The following PPL variants were observed in gnomAD, a reference collection of about 807,000 sequenced individuals.
PPL encodes the protein periplakin, also known as 190 kDa paraneoplastic pemphigus antigen.
In PPL, 198 loss-of-function variants were observed where a neutral mutation model predicts 194.4. That is an observed-to-expected ratio of 1.02 (90% CI 0.91 to 1.15). The LOEUF (loss-of-function observed/expected upper bound fraction) is 1.15. PPL is among the 50% of genes most tolerant of loss of function. PPL has a pLI of 0.00. For missense variants in PPL, 2,885 were observed against 2,294.8 expected (o/e 1.26, Z -5.25); for synonymous variants, 1,220 against 972.4 (o/e 1.25, Z -4.74).
At position 4,901,056 on chromosome 16, in the gene PPL, G is replaced by A; in HGVS notation, c.472C>T (p.Leu158=). The A allele has an allele frequency of 6.2e-7, 1 of 1,614,204 alleles. No homozygotes were observed. Among genetic ancestry groups the A allele is most frequent in the Non-Finnish European group, 8.5e-7 (1 of 1,180,048 alleles). Residue 158 remains leucine (L), a synonymous_variant, in exon 5 of 22, where the codon CTG becomes TTG. Coordinates refer to ENST00000345988, the MANE Select transcript of PPL (RefSeq NM_002705.5). ...KLNNQSFGTD[L]PLVDHQVEEH... is the part of the protein sequence containing the mutation. ...TCCACTTGGTGGTCCACCAGCGGCA[G>A]GTCAGTCCCAAAGCTCTGGTTGTTC...
Position 4,907,308 on chromosome 16 carries a change from T to TCACA in PPL, c.163-3272_163-3269dup, listed in dbSNP as rs56210938. Among the ~76,000 whole-genome samples the TCACA allele has an allele frequency of 5.0e-3, 731 of 145,726 alleles. 6 individuals are homozygous for TCACA. The highest frequency in any genetic ancestry group is 0.028 in the Middle Eastern group (8 of 290). ...ATTATAGGGACTGATATATCTAATC[T>TCACA]CACACACACACACACACACACACAC... On this transcript the variant is annotated intron_variant, in intron 2 of 21. Coordinates refer to ENST00000345988, the MANE Select transcript of PPL (RefSeq NM_002705.5).
rs2142335558 is a variant in PPL, at chr16:4,889,263, T to TGG, written c.2314-203_2314-202insCC. Among the ~76,000 whole-genome samples, 3 of 129,416 alleles carry TGG rather than the reference T, an allele frequency of 2.3e-5. 1 individual carries two copies. In the South Asian group the frequency reaches 8.3e-4, roughly 36 times the overall value. 84.9% of individuals were successfully genotyped at this position (129,416 alleles called of 152,430 possible). ...GTTGTTTTTTTTTTTTTTTTTTTTT[T>TGG]TTTTTTTTTTTGAGACAGTCTCACT... On this transcript the variant is annotated intron_variant, in intron 18 of 21. Coordinates refer to ENST00000345988, the MANE Select transcript of PPL (RefSeq NM_002705.5).
Position 4,900,829 on chromosome 16 carries a change from C to G in PPL, c.606+1G>C, listed in dbSNP as rs765701885. 3 of 1,614,046 alleles carry G rather than the reference C, an allele frequency of 1.9e-6. No individual in the cohort carries two copies. In the Admixed American group the frequency reaches 5.0e-5, roughly 27 times the overall value. Reference sequence around the variant, plus strand: ...GGCCTTTCCCCCAGGGAGCTCCTCACCAGCAGTTTCTGGTACTTGGCCCGG... The same window carrying G: ...GGCCTTTCCCCCAGGGAGCTCCTCAGCAGCAGTTTCTGGTACTTGGCCCGG... On this transcript the variant is annotated splice_donor_variant, in intron 6 of 21. Transcript: ENST00000345988. LOFTEE classifies it high-confidence loss of function.
Position 4,890,905 on chromosome 16 carries a change from A to C in PPL, c.1985T>G (p.Leu662Ter). Residue 662 changes from leucine (L) to a stop codon, truncating the protein, a stop_gained, in exon 17 of 22, where the codon TTA becomes TGA. Transcript: ENST00000345988. LOFTEE classifies it high-confidence loss of function. Reference sequence around the variant, plus strand: ...ACCCAGGAGGGACTTCTGGGCCTGTAACTCACAGGCCATGGCCTGGCGGGG... The same window carrying C: ...ACCCAGGAGGGACTTCTGGGCCTGTCACTCACAGGCCATGGCCTGGCGGGG... Reference protein sequence around the residue: ...GQELAAMACELQAQKSLLGEV... With the variant: ...GQELAAMACE 2.0e-6 allele frequency: 3 copies of C among 1,530,718 alleles called. No homozygotes were observed. The highest frequency in any genetic ancestry group is 2.6e-6 in the Non-Finnish European group (3 of 1,132,218). 94.8% of individuals were successfully genotyped at this position (1,530,718 alleles called of 1,614,324 possible).
Position 4,885,745 on chromosome 16 carries a change from C to T in PPL, c.2910G>A (p.Glu970=). 1 of 1,612,962 alleles carries T rather than the reference C, an allele frequency of 6.2e-7. No homozygotes were observed. The highest frequency in any genetic ancestry group is 8.5e-7 in the Non-Finnish European group (1 of 1,179,956). The change falls in exon 22 of 22, where the codon GAG becomes GAA. Residue 970 remains glutamate, a synonymous_variant. Transcript: ENST00000345988. The surrounding 1 kb of genome is among the most constrained non-coding windows in gnomAD (Gnocchi z 6.3). ...EQHKNQLLQE[E]LEALQLQLRA... is the part of the protein sequence containing the mutation. ...GCAGCTGCAGCTGCAGTGCCTCCAGCTCCTCCTGCAGCAGCTGGTTCTTGT... is the reference window on the plus strand; with the variant it reads ...GCAGCTGCAGCTGCAGTGCCTCCAGTTCCTCCTGCAGCAGCTGGTTCTTGT...
Position 4,883,804 on chromosome 16 carries a change from C to T in PPL, c.4851G>A (p.Arg1617=), listed in dbSNP as rs775193859. ...AGAGCCTCTTGAGGTCATCCAGTTCCCTCTCCAGGGACCACAGTCTGGAGT... is the reference window on the plus strand; with the variant it reads ...AGAGCCTCTTGAGGTCATCCAGTTCTCTCTCCAGGGACCACAGTCTGGAGT... The part of the protein sequence containing the change: ...NHDSRLWSLE[R]ELDDLKRLSK... The change falls in exon 22 of 22, where the codon AGG becomes AGA. Residue 1617 remains arginine (R), a synonymous_variant. Coordinates refer to ENST00000345988, the MANE Select transcript of PPL (RefSeq NM_002705.5). This position sits in a 1 kb window ranked among gnomAD's most constrained non-coding sequence, Gnocchi z 4.8. 24 of 1,614,044 alleles carry T rather than the reference C, an allele frequency of 1.5e-5. No homozygotes were observed. Among genetic ancestry groups the T allele is most frequent in the South Asian group, 6.6e-5 (6 of 91,090 alleles).
chr16:4,909,070 C>T (rs2088764575), intron 2 of PPL, among the ~76,000 whole-genome samples: 1 of 152,102 alleles, frequency 6.6e-6, no homozygotes, highest in African/African-American at 2.4e-5. Context: ...CAGGCAGAGG[C>T]CAGGGAGGCA....
In PPL at chr16:4,902,102, C is replaced by A. The variant is rs1301958361; in HGVS notation, c.438+304G>T. Among the ~76,000 whole-genome samples, 1 of 152,192 alleles carries A rather than the reference C, an allele frequency of 6.6e-6. No individual in the cohort carries two copies. Among genetic ancestry groups the A allele is most frequent in the Non-Finnish European group, 1.5e-5 (1 of 68,036 alleles). Reference sequence around the variant, plus strand: ...GCCTGGCCGCTTCCGCCCCAGCCTGCCCACAAAATGTCACCAAGACCCCAA... The same window carrying A: ...GCCTGGCCGCTTCCGCCCCAGCCTGACCACAAAATGTCACCAAGACCCCAA... On this transcript the variant is annotated intron_variant, in intron 4 of 21. Transcript: ENST00000345988. The surrounding 1 kb of genome is among the most constrained non-coding windows in gnomAD (Gnocchi z 4.0).
rs145937951 is a variant in PPL, at chr16:4,893,807, T to C, written c.1395-169A>G. The C allele has an allele frequency of 1.8e-3, 1,090 of 595,876 alleles. 11 individuals carry two copies. Among genetic ancestry groups the C allele is most frequent in the African/African-American group, 0.017 (899 of 53,942 alleles). The allele number at this position is 595,876 out of a possible 1,614,324, so 36.9% of individuals were successfully genotyped here. A position where few individuals can be genotyped will look rare whatever the true frequency, so the allele number is the denominator to read the frequency against. ...CACTGGCCTTTCTGTGCTCCTGGGC[T>C]CAGAGCTCTTCTCCCTCCTTCCCTC... On this transcript the variant is annotated intron_variant, in intron 12 of 21. Transcript: ENST00000345988.
chr16:4,883,302 G>C lies in PPL; in HGVS notation c.*82C>G. On this transcript the variant is annotated 3_prime_UTR_variant, in exon 22 of 22. Transcript: ENST00000345988. This position sits in a 1 kb window ranked among gnomAD's most constrained non-coding sequence, Gnocchi z 4.8. ...AAATGCTTGGCCTGCACCAGGGCAA[G>C]GGAGAGGACGACACCAAGGAGGTCA... 3 of 1,584,024 alleles carry C rather than the reference G, an allele frequency of 1.9e-6. No individual in the cohort carries two copies. The South Asian group carries it at 3.3e-5, about 18-fold the overall frequency.
chr16:4,884,164 C>T lies in PPL; in HGVS notation c.4491G>A (p.Glu1497=), dbSNP rs2142321300. The T allele has an allele frequency of 2.5e-6, 4 of 1,614,002 alleles. No individual in the cohort carries two copies. Among genetic ancestry groups the T allele is most frequent in the Non-Finnish European group, 2.5e-6 (3 of 1,180,028 alleles). The part of the protein sequence containing the change: ...LAALEKAEVK[E]KVVLSESVQV... ...GGACACTCTCGGAGAGCACCACCTT[C>T]TCCTTGACCTCCGCCTTCTCCAGTG... Residue 1497 remains glutamate (E), a synonymous_variant, in exon 22 of 22, where the codon GAG becomes GAA. Coordinates refer to ENST00000345988, the MANE Select transcript of PPL (RefSeq NM_002705.5). The surrounding 1 kb of genome is among the most constrained non-coding windows in gnomAD (Gnocchi z 5.7).
chr16:4,928,128 G>A (rs2089182822), intron 1 of PPL, among the ~76,000 whole-genome samples: 1 of 152,220 alleles, frequency 6.6e-6, no homozygotes, highest in African/African-American at 2.4e-5. Context: ...AGGACCACTG[G>A]AGAAAGAGCA....
At position 4,882,582 on chromosome 16, in the gene PPL, T is replaced by C. The variant is rs566459469; in HGVS notation, c.*802A>G. 22 of 152,372 alleles carry C rather than the reference T, an allele frequency of 1.4e-4. No individual in the cohort carries two copies. The highest frequency in any genetic ancestry group is 3.4e-3 in the Middle Eastern group (1 of 294). The allele number at this position is 152,372 out of a possible 1,614,324, so 9.4% of individuals were successfully genotyped here. The stretch of plus-strand genomic sequence containing the variant: ...AATTTCCCTATTAGTTCCCATTTTC[T>C]TATGTTCTACATGAGATACAGAGAC... On this transcript the variant is annotated 3_prime_UTR_variant, in exon 22 of 22. Transcript: ENST00000345988.
At chr16:4,936,953 T>C in intron 1 of PPL, 31 bp downstream of exon 1, 3 of 1,576,600 alleles carry the variant, frequency 1.9e-6, no homozygotes, top group East Asian at 2.5e-5. Context: ...GGCAAGAGCG[T>C]CCCGGAGCGG....
chr16:4,918,958 C>G (rs1319725671), intron 1 of PPL, among the ~76,000 whole-genome samples: 2 of 152,162 alleles, frequency 1.3e-5, no homozygotes, highest in Non-Finnish European at 2.9e-5. Flanking sequence ...GACGTGGCAC[C>G]CCTGGGCCAT....
chr16:4,935,551 C>G (rs2089285486), intron 1 of PPL, among the ~76,000 whole-genome samples: 1 of 152,000 alleles, frequency 6.6e-6, no homozygotes, highest in Non-Finnish European at 1.5e-5. Flanking sequence ...AGGCCCTGCC[C>G]AGTCTCTGGG....
intron 1 of PPL, among the ~76,000 whole-genome samples, 197 bp from the exon 2 acceptor site, chr16:4,911,146 G>A (rs903732833): frequency 2.7e-5 from 4 of 148,920 alleles, no homozygotes; most frequent in African/African-American, 4.9e-5. Context: ...CCTGGCAGGC[G>A]GTCAGCCTCC....
intron 2 of PPL, among the ~76,000 whole-genome samples, chr16:4,904,252 T>G (rs1012749334): frequency 6.6e-6 from 1 of 152,226 alleles, no homozygotes; most frequent in Non-Finnish European, 1.5e-5. Flanking sequence ...AAGCAGGTAT[T>G]TCTCTTATGC....
Position 4,883,242 on chromosome 16 carries a change from G to C in PPL, c.*142C>G, listed in dbSNP as rs374830812. ...CCAGTGCCTGTCTCATATGTGGGCG[G>C]GACTCTGAGCAGCCTGGCAGCGAGG... On this transcript the variant is annotated 3_prime_UTR_variant, in exon 22 of 22. Coordinates refer to ENST00000345988, the MANE Select transcript of PPL (RefSeq NM_002705.5). The surrounding 1 kb of genome is among the most constrained non-coding windows in gnomAD (Gnocchi z 4.8). 4 of 1,144,044 alleles carry C rather than the reference G, an allele frequency of 3.5e-6. No homozygotes were observed. The highest frequency in any genetic ancestry group is 5.0e-6 in the Non-Finnish European group (4 of 803,016). 70.9% of individuals were successfully genotyped at this position (1,144,044 alleles called of 1,614,324 possible). A position where few individuals can be genotyped will look rare whatever the true frequency, so the allele number is the denominator to read the frequency against.
Sources: gnomAD v4.1 joint callset for allele counts (sites outside exome capture counted in the v4.1 genomes callset) on GRCh38, gnomAD v4.1.1 for gene constraint, Gnocchi (gnomAD v3.1) non-coding constraint, MANE v1.5 for transcripts, NCBI Gene and HGNC (gene_info 2026-07-23, HGNC 2026-07-21) for gene names.